Variants in CCDC201 observed in about 807,000 individuals in gnomAD.
CCDC201 encodes coiled-coil domain containing 201.
At chr7:45,879,330 A>G in the CCDC201 span, among the ~76,000 whole-genome samples, 1 of 152,196 alleles carries the variant, frequency 6.6e-6, no homozygotes, top group African/African-American at 2.4e-5. Flanking sequence ...TCCACATTTT[A>G]AGGTATATTT....
intron 2 of CCDC201, among the ~76,000 whole-genome samples, chr7:45,864,315 G>A (rs552320563): frequency 3.9e-5 from 6 of 152,306 alleles, no homozygotes; most frequent in South Asian, 2.1e-4. Flanking sequence ...CACAACATGC[G>A]TTCCACATGG....
chr7:45,869,540 C>T (rs1302599951), intron 1 of CCDC201, among the ~76,000 whole-genome samples: 6 of 152,190 alleles, frequency 3.9e-5, no homozygotes, highest in Non-Finnish European at 7.3e-5. Context: ...ATCATGACCA[C>T]TTACAGAGCT....
At chr7:45,874,169 C>A (rs1325881500), upstream of CCDC201, among the ~76,000 whole-genome samples, 2 of 152,110 alleles carry the variant, frequency 1.3e-5, no homozygotes, top group African/African-American at 4.8e-5. Flanking sequence ...CGCCTGGCCT[C>A]CCAAAGTGCC....
chr7:45,881,801 C>G, the CCDC201 span, among the ~76,000 whole-genome samples: 1 of 152,174 alleles, frequency 6.6e-6, no homozygotes, highest in African/African-American at 2.4e-5. Context: ...GACAGGGTCC[C>G]TTGGGCTTTG....
chr7:45,870,919 A>G (rs989027426), intron 1 of CCDC201, among the ~76,000 whole-genome samples: 1 of 152,196 alleles, frequency 6.6e-6, no homozygotes, highest in African/African-American at 2.4e-5. Flanking sequence ...CTCAGAGTAA[A>G]GTTAAGAAAT....
At chr7:45,875,323 C>A (rs1169267894), upstream of CCDC201, among the ~76,000 whole-genome samples, 1 of 151,802 alleles carries the variant, frequency 6.6e-6, no homozygotes, top group African/African-American at 2.4e-5. Context: ...GGTGAAACCC[C>A]ATCTCTACTG....
exon 3 of CCDC201, chr7:45,862,775 C>G (rs1786619729): frequency 6.6e-6 from 1 of 152,246 alleles, no homozygotes; most frequent in Non-Finnish European, 1.5e-5. Context: ...GAACCTGAGG[C>G]TCAGACAAGC....
chr7:45,866,700 G>A (rs1246524555), intron 1 of CCDC201, among the ~76,000 whole-genome samples: 5 of 152,180 alleles, frequency 3.3e-5, no homozygotes, highest in Non-Finnish European at 5.9e-5. Flanking sequence ...GCTAGACCAC[G>A]CCCCTCTGTG....
chr7:45,861,862 A>G (rs1256789947), exon 3 of CCDC201: 1 of 152,246 alleles, frequency 6.6e-6, no homozygotes, highest in Non-Finnish European at 1.5e-5. Flanking sequence ...GGAAGTAGAA[A>G]GCAAGCTTTT....
intron 1 of CCDC201, among the ~76,000 whole-genome samples, chr7:45,870,082 G>T (rs1371362911): frequency 6.6e-6 from 1 of 152,130 alleles, no homozygotes; most frequent in Non-Finnish European, 1.5e-5. Context: ...CTCCCAAAGT[G>T]CTAGGATTAT....
At chr7:45,863,617 C>T (rs533665376) in intron 2 of CCDC201, among the ~76,000 whole-genome samples, 2 of 152,214 alleles carry the variant, frequency 1.3e-5, no homozygotes, top group South Asian at 2.1e-4. Flanking sequence ...AGGAGGCCTC[C>T]CCAGTTCAGC....
chr7:45,864,002 A>C (rs1306624610), intron 2 of CCDC201, among the ~76,000 whole-genome samples: 1 of 152,108 alleles, frequency 6.6e-6, no homozygotes, highest in Non-Finnish European at 1.5e-5. Context: ...TGGGGTCTGC[A>C]AGATCCCATG....
the CCDC201 span, among the ~76,000 whole-genome samples, chr7:45,881,862 C>T: frequency 0.082 from 12,439 of 152,122 alleles, 917 homozygotes; most frequent in African/African-American, 0.19. Context: ...GTTTTGTTGA[C>T]GTGACAAGAG....
intron 1 of CCDC201, among the ~76,000 whole-genome samples, chr7:45,871,256 T>C (rs1445191767): frequency 6.6e-6 from 1 of 152,168 alleles, no homozygotes; most frequent in Non-Finnish European, 1.5e-5. Context: ...CATCTTCTTC[T>C]GGCTGGTTGG....
intron 1 of CCDC201, among the ~76,000 whole-genome samples, chr7:45,867,802 T>C (rs916228078): frequency 2.6e-5 from 4 of 152,228 alleles, no homozygotes; most frequent in African/African-American, 9.6e-5. Context: ...TAAATTATTG[T>C]ATGCATTTGT....
intron 1 of CCDC201, among the ~76,000 whole-genome samples, chr7:45,870,539 A>G (rs1786732308): frequency 1.3e-5 from 2 of 152,240 alleles, no homozygotes; most frequent in Admixed American, 1.3e-4. Flanking sequence ...ATCAATATTT[A>G]TATTGGAAAA....
the CCDC201 span, among the ~76,000 whole-genome samples, chr7:45,879,157 G>T: frequency 2.0e-5 from 3 of 152,172 alleles, no homozygotes; most frequent in African/African-American, 7.2e-5. Context: ...CTCCATCTGA[G>T]AACTCCTGAG....
At chr7:45,863,810 G>A (rs1467646575) in intron 2 of CCDC201, among the ~76,000 whole-genome samples, 2 of 152,152 alleles carry the variant, frequency 1.3e-5, no homozygotes, top group Admixed American at 1.3e-4. Flanking sequence ...CGCCCTGAAA[G>A]TGTAAGACAG....
At chr7:45,884,104 C>CTT in the CCDC201 span, among the ~76,000 whole-genome samples, 1 of 119,304 alleles carries the variant, frequency 8.4e-6, no homozygotes, top group Non-Finnish European at 1.9e-5. Flanking sequence ...TTTCTCTCCT[C>CTT]TCTCTCTTTC....
Sources: gnomAD v4.1 joint callset for allele counts (sites outside exome capture counted in the v4.1 genomes callset) on GRCh38, gnomAD v4.1.1 for gene constraint, MANE v1.5 for transcripts, NCBI Gene and HGNC (gene_info 2026-07-23, HGNC 2026-07-21) for gene names.